The following PARD3 variants were observed in gnomAD, a reference collection of about 807,000 sequenced individuals.
PARD3 encodes partitioning defective 3 homolog.
PARD3 carries 75 observed loss-of-function variants against 155.4 expected under a neutral mutation model. The ratio of observed to expected loss-of-function variants is 0.48; its 90% CI spans 0.40 to 0.58. The LOEUF (loss-of-function observed/expected upper bound fraction) is 0.58, where lower values mean the gene tolerates loss of function less well. Ranked by LOEUF, PARD3 falls within the 20% of genes least tolerant of loss-of-function variation. The pLI is 0.00. For synonymous variants in PARD3, 576 were observed against 610.5 expected, an observed-to-expected ratio of 0.94 and a Z score of 0.83; for missense variants, 1,642 against 1,721.7, an observed-to-expected ratio of 0.95 and a Z score of 0.82.
chr10:34,607,963 T>G (rs999626089), intron 2 of PARD3, among the ~76,000 whole-genome samples: 2 of 152,204 alleles, frequency 1.3e-5, no homozygotes, highest in African/African-American at 4.8e-5. Flanking sequence ...CTTGAAATTC[T>G]TAATTTTTGA....
intron 22 of PARD3, among the ~76,000 whole-genome samples, chr10:34,174,108 C>A (rs1047713247): frequency 6.6e-6 from 1 of 152,154 alleles, no homozygotes; most frequent in Non-Finnish European, 1.5e-5. Flanking sequence ...AGGGATGTCA[C>A]CAAGCATAAC....
At chr10:34,646,889 T>C (rs1446535151) in intron 2 of PARD3, among the ~76,000 whole-genome samples, 1 of 152,186 alleles carries the variant, frequency 6.6e-6, no homozygotes, top group Non-Finnish European at 1.5e-5. Context: ...AGGGTCTCCC[T>C]ATATTGCCCA....
chr10:34,694,926 C>T (rs2094137556), intron 2 of PARD3, among the ~76,000 whole-genome samples: 2 of 152,166 alleles, frequency 1.3e-5, no homozygotes, highest in Admixed American at 6.5e-5. Context: ...GTGCACCCAG[C>T]TCACAGCTGA....
chr10:34,308,630 T>C (rs772649112), intron 20 of PARD3, among the ~76,000 whole-genome samples: 4 of 151,952 alleles, frequency 2.6e-5, no homozygotes, highest in Non-Finnish European at 4.4e-5. Context: ...GTTGGGAGCG[T>C]GTGAAGTTTC....
At chr10:34,811,333 G>A (rs1844146709) in intron 1 of PARD3, among the ~76,000 whole-genome samples, 1 of 152,098 alleles carries the variant, frequency 6.6e-6, no homozygotes, top group Admixed American at 6.6e-5. Context: ...TGTCCATACT[G>A]CCTTCCTGGA....
At chr10:34,341,427 T>G (rs903346429) in intron 16 of PARD3, among the ~76,000 whole-genome samples, 200 bp downstream of exon 16, 3 of 152,220 alleles carry the variant, frequency 2.0e-5, no homozygotes, top group African/African-American at 7.2e-5. Flanking sequence ...GTTATATTAC[T>G]AACTATAGCT....
intron 20 of PARD3, among the ~76,000 whole-genome samples, chr10:34,292,983 G>C (rs1956746737): frequency 6.6e-6 from 1 of 152,058 alleles, no homozygotes; most frequent in Non-Finnish European, 1.5e-5. Context: ...GAAATAGGGG[G>C]GACAAAGGGA....
At chr10:34,297,597 T>TA (rs113554431) in intron 20 of PARD3, among the ~76,000 whole-genome samples, 19 of 152,290 alleles carry the variant, frequency 1.2e-4, no homozygotes, top group African/African-American at 3.4e-4. Context: ...CCACGACCAT[T>TA]TCAGTGGTAG....
intron 21 of PARD3, among the ~76,000 whole-genome samples, chr10:34,283,752 G>A (rs1202508603): frequency 6.6e-6 from 1 of 151,924 alleles, no homozygotes; most frequent in African/African-American, 2.4e-5. Flanking sequence ...TTTATTTTCA[G>A]AAGAGTATTT....
intron 14 of PARD3, among the ~76,000 whole-genome samples, chr10:34,358,265 A>G (rs1434767123): frequency 6.6e-6 from 1 of 152,188 alleles, no homozygotes; most frequent in Non-Finnish European, 1.5e-5. Context: ...CAAATGTCCT[A>G]TTATACAACA....
intron 4 of PARD3, among the ~76,000 whole-genome samples, chr10:34,462,330 C>A (rs2077702769): frequency 6.6e-6 from 1 of 152,114 alleles, no homozygotes; most frequent in African/African-American, 2.4e-5. Context: ...GCTTGGCTCA[C>A]AAATAACCAA....
chr10:34,361,984 A>C (rs962942971), intron 12 of PARD3, among the ~76,000 whole-genome samples: 1 of 152,246 alleles, frequency 6.6e-6, no homozygotes, highest in African/African-American at 2.4e-5. Context: ...AACTAGATTT[A>C]AAATATTCCC....
chr10:34,571,696 T>G (rs147050558), intron 2 of PARD3, among the ~76,000 whole-genome samples: 1 of 152,216 alleles, frequency 6.6e-6, no homozygotes, highest in Non-Finnish European at 1.5e-5. Flanking sequence ...TGTTGAAGAA[T>G]GCAATGACTG....
chr10:34,635,026 G>C (rs1217327004), intron 2 of PARD3, among the ~76,000 whole-genome samples: 1 of 152,222 alleles, frequency 6.6e-6, no homozygotes, highest in Admixed American at 6.5e-5. Flanking sequence ...CTGTGTTTCA[G>C]AGCACACCCA....
At chr10:34,461,375 C>T (rs193276754) in intron 4 of PARD3, among the ~76,000 whole-genome samples, 8 of 152,240 alleles carry the variant, frequency 5.3e-5, no homozygotes, top group African/African-American at 1.4e-4. Flanking sequence ...GAGGCCGAGG[C>T]GGGTGGATCA....
At chr10:34,640,611 G>A (rs1353252680) in intron 2 of PARD3, among the ~76,000 whole-genome samples, 1 of 145,944 alleles carries the variant, frequency 6.9e-6, no homozygotes, top group Non-Finnish European at 1.5e-5. Flanking sequence ...TCAGGGGGCT[G>A]AAGCACGAGT....
At chr10:34,605,947 C>T (rs1368918248) in intron 2 of PARD3, among the ~76,000 whole-genome samples, 1 of 106,482 alleles carries the variant, frequency 9.4e-6, no homozygotes, top group Admixed American at 1.1e-4. Flanking sequence ...ATATATATCT[C>T]CTATATATAT....
chr10:34,762,290 C>G lies in PARD3; in HGVS notation c.120+52586G>C, dbSNP rs921060439. ...AGAGAGAGACAAAGAGACAGAGAGA[C>G]AGAGAGAGAGAGAGAGAGAGAGAGA... On this transcript the variant is annotated intron_variant, in intron 1 of 24. Transcript: ENST00000374788. Among the ~76,000 whole-genome samples the G allele has an allele frequency of 6.9e-5, 10 of 145,482 alleles. No individual in the cohort carries two copies. In the East Asian group the frequency reaches 1.2e-3, roughly 18 times the overall value.
At chr10:34,353,278 G>A (rs1195987862) in intron 14 of PARD3, among the ~76,000 whole-genome samples, 2 of 152,210 alleles carry the variant, frequency 1.3e-5, no homozygotes, top group Non-Finnish European at 2.9e-5. Flanking sequence ...AGTAGAAAAG[G>A]GGGAAATGTG....
Sources: allele counts gnomAD v4.1 joint callset (sites outside exome capture counted in the v4.1 genomes callset), GRCh38; gene constraint gnomAD v4.1.1; transcripts MANE v1.5; gene names NCBI Gene and HGNC (gene_info 2026-07-23, HGNC 2026-07-21).